CDKAL1: variants seen among roughly 807,000 people sequenced by gnomAD.
The protein encoded by CDKAL1 is threonylcarbamoyladenosine tRNA methylthiotransferase.
Under a neutral mutation model 68.2 loss-of-function variants are expected in CDKAL1, and 32 were observed. The ratio of observed to expected loss-of-function variants is 0.47; its 90% confidence interval spans 0.35 to 0.63. The LOEUF is 0.63. Among genes scored for constraint, CDKAL1 ranks in the 30% least tolerant of loss-of-function variants. CDKAL1 has a pLI of 0.00. For synonymous variants in CDKAL1, 234 were observed against 244.3 expected, an observed-to-expected ratio of 0.96 and a Z score of 0.39; for missense variants, 606 against 696.7, an observed-to-expected ratio of 0.87 and a Z score of 1.47.
rs1270441424 is a variant in CDKAL1 at position 20,714,410 on chromosome 6, A to G, written c.372-25109A>G. Among the ~76,000 whole-genome samples the G allele has an allele frequency of 4.0e-5, 4 of 98,978 alleles. No individual in the cohort carries two copies. In the East Asian group the frequency reaches 1.1e-3, roughly 28 times the overall value. The allele number at this position is 98,978 out of a possible 152,430, so 64.9% of individuals were successfully genotyped here. ...TTTTTTTTTTTTTTTTTTTTTTGAG[A>G]CAGAATCTCACTCTGTCACCCAGAC... On this transcript the variant is annotated intron_variant, in intron 5 of 15. Transcript: ENST00000274695.
At chr6:21,084,299 T>C (rs1160280886) in intron 12 of CDKAL1, among the ~76,000 whole-genome samples, 1 of 152,214 alleles carries the variant, frequency 6.6e-6, no homozygotes, top group East Asian at 1.9e-4. Context: ...TTGAATTGGA[T>C]ATACAGTGAC....
chr6:20,781,336 A>G lies in CDKAL1; in HGVS notation c.638+71A>G, dbSNP rs545216150. 51 of 1,356,478 alleles carry G rather than the reference A, an allele frequency of 3.8e-5. No individual in the cohort carries two copies. In the East Asian group the frequency reaches 8.5e-4, roughly 23 times the overall value. 84.0% of individuals were successfully genotyped at this position (1,356,478 alleles called of 1,614,324 possible). On this transcript the variant is annotated intron_variant, in intron 8 of 15. Transcript: ENST00000274695. ...TGAATTCAGTTTTTTTTTCTTGGAC[A>G]TGTGACATAGAAAAGTAGCTGAACA...
At chr6:21,165,717 T>A (rs1292924903) in intron 13 of CDKAL1, among the ~76,000 whole-genome samples, 1 of 152,156 alleles carries the variant, frequency 6.6e-6, no homozygotes, top group Admixed American at 6.5e-5. Context: ...AGAGGATGAG[T>A]AGGACACTTC....
chr6:20,699,996 T>C (rs534634745), intron 5 of CDKAL1, among the ~76,000 whole-genome samples: 128 of 152,274 alleles, frequency 8.4e-4, no homozygotes, highest in Middle Eastern at 3.4e-3. Context: ...ATATTAAAAA[T>C]GTACCCATCC....
chr6:20,949,805 C>T (rs938567085), intron 9 of CDKAL1, among the ~76,000 whole-genome samples: 2 of 151,972 alleles, frequency 1.3e-5, no homozygotes, highest in East Asian at 1.9e-4. Context: ...AGAAGTATTT[C>T]TTGAGATGGA....
Position 20,948,577 on chromosome 6 carries a change from A to G in CDKAL1, c.743-6842A>G, listed in dbSNP as rs569664541. 7.2e-5 allele frequency among the ~76,000 whole-genome samples: 11 copies of G among 152,334 alleles called. No individual in the cohort carries two copies. In the South Asian group the frequency reaches 1.2e-3, roughly 17 times the overall value. On this transcript the variant is annotated intron_variant, in intron 9 of 15. Coordinates refer to ENST00000274695, the MANE Select transcript of CDKAL1 (RefSeq NM_017774.3). ...ACAGTGTACTGCATTGCAGGCATCT[A>G]ATGATTTTCTTCTTTCCTCTTCCTC... is the stretch of plus-strand genomic sequence containing the variant.
At chr6:20,780,107 A>C (rs1775351339) in intron 7 of CDKAL1, among the ~76,000 whole-genome samples, 1 of 150,860 alleles carries the variant, frequency 6.6e-6, no homozygotes, top group Non-Finnish European at 1.5e-5. Flanking sequence ...CTTAAAAAAA[A>C]AAAAAAAAAA....
chr6:21,100,930 G>A (rs1375419452), intron 12 of CDKAL1, among the ~76,000 whole-genome samples: 2 of 152,164 alleles, frequency 1.3e-5, no homozygotes, highest in East Asian at 3.8e-4. Context: ...TTTACACATT[G>A]ATAACACAGT....
chr6:20,740,134 C>A (rs62399288), intron 6 of CDKAL1, among the ~76,000 whole-genome samples: 6,265 of 152,244 alleles, frequency 0.041, 145 homozygotes, highest in Middle Eastern at 0.082. Context: ...TCGTATAATT[C>A]TTTGAATAAA....
At chr6:21,113,753 G>A (rs1217805755) in intron 13 of CDKAL1, among the ~76,000 whole-genome samples, 2 of 151,360 alleles carry the variant, frequency 1.3e-5, no homozygotes, top group Non-Finnish European at 2.9e-5. Flanking sequence ...ACAGGCATGA[G>A]CCACCGTGCC....
chr6:20,910,288 A>T (rs1357525902), intron 9 of CDKAL1, among the ~76,000 whole-genome samples: 1 of 152,146 alleles, frequency 6.6e-6, no homozygotes, highest in Middle Eastern at 3.2e-3. Flanking sequence ...CTTATGGGAG[A>T]TGTTTAGGTA....
chr6:20,693,875 CTTT>C (rs751860824), intron 5 of CDKAL1, among the ~76,000 whole-genome samples: 2 of 142,868 alleles, frequency 1.4e-5, no homozygotes, highest in Admixed American at 7.0e-5. Flanking sequence ...TTGCCAGCTA[CTTT>C]TTTTTTTTTT....
At chr6:21,020,545 A>G (rs1582042247) in intron 11 of CDKAL1, among the ~76,000 whole-genome samples, 2 of 152,034 alleles carry the variant, frequency 1.3e-5, no homozygotes, top group East Asian at 1.9e-4. Flanking sequence ...TTGGCTCACC[A>G]CAACCTCTGC....
At chr6:21,098,111 A>C (rs1459173253) in intron 12 of CDKAL1, among the ~76,000 whole-genome samples, 1 of 152,248 alleles carries the variant, frequency 6.6e-6, no homozygotes, top group Non-Finnish European at 1.5e-5. Flanking sequence ...ATGGGCACAC[A>C]GTAAATGTGT....
intron 8 of CDKAL1, among the ~76,000 whole-genome samples, chr6:20,811,655 G>C (rs1776821626): frequency 6.6e-6 from 1 of 152,022 alleles, no homozygotes; most frequent in Non-Finnish European, 1.5e-5. Context: ...TTCATAGCTG[G>C]TGCTGTACAC....
intron 5 of CDKAL1, among the ~76,000 whole-genome samples, chr6:20,668,966 A>G (rs1268884044): frequency 6.6e-6 from 1 of 152,176 alleles, no homozygotes; most frequent in African/African-American, 2.4e-5. Context: ...AGTGGTCGAT[A>G]TTGCACTTGA....
intron 8 of CDKAL1, among the ~76,000 whole-genome samples, chr6:20,839,631 C>A (rs1447907704): frequency 6.6e-6 from 1 of 152,008 alleles, no homozygotes; most frequent in Non-Finnish European, 1.5e-5. Flanking sequence ...GTGTAGGGTC[C>A]CTTGTCTTAC....
intron 8 of CDKAL1, among the ~76,000 whole-genome samples, chr6:20,840,190 G>C (rs1354250993): frequency 6.6e-6 from 1 of 152,180 alleles, no homozygotes; most frequent in Non-Finnish European, 1.5e-5. Context: ...CAAGATTGCT[G>C]TGAGGGTAAA....
At chr6:20,970,740 G>A (rs539980976) in intron 10 of CDKAL1, among the ~76,000 whole-genome samples, 1 of 152,308 alleles carries the variant, frequency 6.6e-6, no homozygotes, top group Non-Finnish European at 1.5e-5. Context: ...AGACTAAAAT[G>A]TATACTTCTT....
Sources: allele counts gnomAD v4.1 joint callset (sites outside exome capture counted in the v4.1 genomes callset), GRCh38; gene constraint gnomAD v4.1.1; transcripts MANE v1.5; gene names NCBI Gene and HGNC (gene_info 2026-07-23, HGNC 2026-07-21).